SHISA9: variants seen among roughly 807,000 people sequenced by gnomAD.
SHISA9 encodes protein shisa-9.
Under a neutral mutation model 38.0 loss-of-function variants are expected in SHISA9, and 13 were observed. The observed-to-expected ratio is 0.34, with a 90% CI of 0.22 to 0.54. The LOEUF is 0.54. Among genes scored for constraint, SHISA9 ranks in the 20% least tolerant of loss-of-function variants. The probability of loss-of-function intolerance (pLI) is 0.91; values close to 1 mark genes in which losing one functional copy is unlikely to be tolerated. For missense variants in SHISA9, 538 were observed against 575.8 expected, an observed-to-expected ratio of 0.93 and a Z score of 0.67; for synonymous variants, 275 against 242.0, an observed-to-expected ratio of 1.14 and a Z score of -1.27.
chr16:12,999,066 T>C (rs1277838338), intron 2 of SHISA9, among the ~76,000 whole-genome samples: 1 of 152,220 alleles, frequency 6.6e-6, no homozygotes, highest in Non-Finnish European at 1.5e-5. Flanking sequence ...GTATATATTA[T>C]TGGTTCATTA....
At chr16:13,296,932 T>TCTCGTTG in the SHISA9 span, among the ~76,000 whole-genome samples, 6 of 149,794 alleles carry the variant, frequency 4.0e-5, no homozygotes, top group African/African-American at 1.5e-4. Flanking sequence ...GAGAATGCTT[T>TCTCGTTG]CTCGTTGTAA....
intron 2 of SHISA9, among the ~76,000 whole-genome samples, chr16:13,007,528 C>A (rs914819371): frequency 1.3e-5 from 2 of 152,208 alleles, no homozygotes; most frequent in African/African-American, 4.8e-5. Context: ...CCAGAGGAAT[C>A]TAAGATCCCA....
the SHISA9 span, among the ~76,000 whole-genome samples, chr16:13,290,326 C>T: frequency 6.6e-6 from 1 of 152,102 alleles, no homozygotes; most frequent in Non-Finnish European, 1.5e-5. Context: ...AACAGAGTCA[C>T]ACTTTCCTGA....
chr16:13,276,091 TA>T, the SHISA9 span, among the ~76,000 whole-genome samples: 2 of 151,948 alleles, frequency 1.3e-5, no homozygotes, highest in Non-Finnish European at 1.5e-5. Flanking sequence ...CTCTTACCCC[TA>T]AGTCCCCAAA....
At chr16:13,231,720 G>A (rs1362341858) in intron 4 of SHISA9, among the ~76,000 whole-genome samples, 1 of 152,216 alleles carries the variant, frequency 6.6e-6, no homozygotes, top group East Asian at 1.9e-4. Flanking sequence ...AGTAGTCCGA[G>A]TGGAGGCCAC....
In SHISA9 at chr16:13,225,799, T is replaced by G. The variant is rs374737658; in HGVS notation, c.896-9231T>G. On this transcript the variant is annotated intron_variant, in intron 4 of 4. Coordinates refer to ENST00000558583, the MANE Select transcript of SHISA9 (RefSeq NM_001145204.3). ...CCATCCCGCCCCGCACCTGTACAAG[T>G]GTCTGCTGCTAATTAAGAGAGAGAC... 2.3e-3 allele frequency among the ~76,000 whole-genome samples: 355 copies of G among 152,344 alleles called. 1 individual carries two copies. The highest frequency in any genetic ancestry group is 8.0e-3 in the African/African-American group (332 of 41,586).
At chr16:13,290,166 C>G in the SHISA9 span, among the ~76,000 whole-genome samples, 1 of 152,026 alleles carries the variant, frequency 6.6e-6, no homozygotes, top group African/African-American at 2.4e-5. Context: ...GTAGTATGAT[C>G]TAATCTTTAT....
chr16:13,126,815 A>G (rs2050261860), intron 2 of SHISA9, among the ~76,000 whole-genome samples: 1 of 125,944 alleles, frequency 7.9e-6, no homozygotes, highest in Non-Finnish European at 1.8e-5. Flanking sequence ...AGAGAGAGAG[A>G]GAGCTGAGGG....
intron 4 of SHISA9, among the ~76,000 whole-genome samples, chr16:13,222,229 A>G (rs1175037677): frequency 6.6e-6 from 1 of 152,212 alleles, no homozygotes; most frequent in African/African-American, 2.4e-5. Context: ...GGGAATCATT[A>G]TAATTCAAGG....
At chr16:13,462,263 AAAAT>A in the SHISA9 span, among the ~76,000 whole-genome samples, 3 of 152,092 alleles carry the variant, frequency 2.0e-5, no homozygotes, top group Non-Finnish European at 2.9e-5. Flanking sequence ...AAATTCTTTA[AAAAT>A]AAATAAATAG....
At chr16:13,518,971 A>C in the SHISA9 span, among the ~76,000 whole-genome samples, 1 of 152,192 alleles carries the variant, frequency 6.6e-6, no homozygotes, top group Non-Finnish European at 1.5e-5. Context: ...TCATGAGAGC[A>C]GAGCACTCAT....
At chr16:12,947,810 G>A (rs2071706659) in intron 2 of SHISA9, among the ~76,000 whole-genome samples, 1 of 152,166 alleles carries the variant, frequency 6.6e-6, no homozygotes, top group Non-Finnish European at 1.5e-5. Flanking sequence ...CTGAGAAATA[G>A]AACACAAATG....
chr16:13,084,843 C>G (rs2073693121), intron 2 of SHISA9, among the ~76,000 whole-genome samples: 1 of 152,060 alleles, frequency 6.6e-6, no homozygotes, highest in Non-Finnish European at 1.5e-5. Flanking sequence ...GAGGGAGGGG[C>G]TGGAAGAACA....
chr16:12,940,522 C>T lies in SHISA9; in HGVS notation c.691+23707C>T, dbSNP rs145618118. 2.1e-3 allele frequency among the ~76,000 whole-genome samples: 313 copies of T among 152,006 alleles called. 3 individuals carry two copies. The highest frequency in any genetic ancestry group is 6.9e-3 in the African/African-American group (284 of 41,446). On this transcript the variant is annotated intron_variant, in intron 2 of 4. Coordinates refer to ENST00000558583, the MANE Select transcript of SHISA9 (RefSeq NM_001145204.3). ...CCAATCAGGACTAGTTTAGACTGTG[C>T]GGTCCAACCCTAGCCAATAGGGGAA... is the stretch of plus-strand genomic sequence containing the variant.
intron 2 of SHISA9, among the ~76,000 whole-genome samples, chr16:13,110,624 G>C (rs2073969144): frequency 6.6e-6 from 1 of 152,214 alleles, no homozygotes; most frequent in Non-Finnish European, 1.5e-5. Flanking sequence ...CTCAAAGGTT[G>C]CTGGAGACTC....
At chr16:13,536,118 C>G in the SHISA9 span, among the ~76,000 whole-genome samples, 1 of 152,100 alleles carries the variant, frequency 6.6e-6, no homozygotes, top group African/African-American at 2.4e-5. Flanking sequence ...CCTGCCTCAG[C>G]CTCCCAAGTA....
chr16:13,195,429 A>G (rs1438936340), intron 2 of SHISA9, among the ~76,000 whole-genome samples: 2 of 152,232 alleles, frequency 1.3e-5, no homozygotes, highest in Non-Finnish European at 2.9e-5. Flanking sequence ...TGAATACATG[A>G]TTGAATCAAT....
chr16:13,019,146 C>T (rs117495777), intron 2 of SHISA9, among the ~76,000 whole-genome samples: 1,758 of 152,230 alleles, frequency 0.012, 9 homozygotes, highest in South Asian at 0.023. Flanking sequence ...ATTATGGGCA[C>T]TCACCACCAT....
At chr16:13,482,458 T>C in the SHISA9 span, among the ~76,000 whole-genome samples, 1 of 152,202 alleles carries the variant, frequency 6.6e-6, no homozygotes, top group Admixed American at 6.5e-5. Context: ...AGTTATGTCA[T>C]TAATAGCTCC....
Sources: gnomAD v4.1 joint callset for allele counts (sites outside exome capture counted in the v4.1 genomes callset) on GRCh38, gnomAD v4.1.1 for gene constraint, MANE v1.5 for transcripts, NCBI Gene and HGNC (gene_info 2026-07-23, HGNC 2026-07-21) for gene names.